Variants in DNAH9 observed in about 807,000 individuals in gnomAD.
DNAH9 encodes DNAH9 variant protein.
Under a neutral mutation model 471.6 loss-of-function variants are expected in DNAH9, and 345 were observed. The observed-to-expected ratio is 0.73, with a 90% CI of 0.67 to 0.80. The LOEUF is 0.80. Among genes scored for constraint, DNAH9 ranks in the 30% least tolerant of loss-of-function variants. The probability of loss-of-function intolerance (pLI) is 0.00; values close to 1 mark genes in which losing one functional copy is unlikely to be tolerated. For missense variants in DNAH9, 5,407 were observed against 5,609.2 expected (o/e 0.96, Z 1.15); for synonymous variants, 2,093 against 2,123.6 (o/e 0.99, Z 0.40).
chr17:11,968,802 A>G (rs773965255), intron 68 of DNAH9, among the ~76,000 whole-genome samples: 7 of 152,206 alleles, frequency 4.6e-5, no homozygotes, highest in Admixed American at 2.0e-4. Context: ...TCCACATTAC[A>G]TGAGTAAAGA....
At position 11,632,568 on chromosome 17, in the gene DNAH9, A is replaced by G. The variant is rs778518454; in HGVS notation, c.1519-19A>G. 8.6e-5 allele frequency: 107 copies of G among 1,241,650 alleles called. No homozygotes were observed. The highest frequency in any genetic ancestry group is 1.2e-4 in the Non-Finnish European group (99 of 840,698). 76.9% of individuals were successfully genotyped at this position (1,241,650 alleles called of 1,614,324 possible). ...ACAGAAAATTACGTTTTCCTTATAT[A>G]TATATGGTGTCTCTTCAGGACTTTG... On this transcript the variant is annotated intron_variant, in intron 7 of 68. Transcript: ENST00000262442.
At chr17:11,829,269 CCTACCG>C (rs1400800355) in intron 48 of DNAH9, among the ~76,000 whole-genome samples, 1 of 152,142 alleles carries the variant, frequency 6.6e-6, no homozygotes, top group African/African-American at 2.4e-5. Flanking sequence ...GTATTGGTAT[CCTACCG>C]CTTGATTATG....
intron 17 of DNAH9, among the ~76,000 whole-genome samples, chr17:11,675,260 T>C (rs905583420): frequency 1.3e-5 from 2 of 152,188 alleles, no homozygotes; most frequent in Admixed American, 1.3e-4. Flanking sequence ...TCTGTAGAAA[T>C]TGAATTGATT....
chr17:11,621,475 C>T (rs1326344877), intron 6 of DNAH9, among the ~76,000 whole-genome samples: 1 of 150,680 alleles, frequency 6.6e-6, no homozygotes, highest in Non-Finnish European at 1.5e-5. Flanking sequence ...ATATTCCCAG[C>T]TGTCATGAGC....
At chr17:11,644,114 C>T (rs1157447149) in intron 10 of DNAH9, among the ~76,000 whole-genome samples, 1 of 152,116 alleles carries the variant, frequency 6.6e-6, no homozygotes, top group Admixed American at 6.5e-5. Flanking sequence ...AGCATCACCA[C>T]AGCCATGGGA....
intron 9 of DNAH9, 60 bp from the exon 10 acceptor site, chr17:11,640,210 C>T (rs953937422): frequency 1.5e-5 from 15 of 1,009,752 alleles, no homozygotes; most frequent in African/African-American, 9.8e-5. Flanking sequence ...AGGTGTTTGC[C>T]GAGCGGAGAG....
At chr17:11,603,736 CATT>C (rs1416571692) in intron 1 of DNAH9, among the ~76,000 whole-genome samples, 1 of 152,178 alleles carries the variant, frequency 6.6e-6, no homozygotes, top group South Asian at 2.1e-4. Flanking sequence ...CTTGGTGTCT[CATT>C]ATTTTCCTGT....
Position 11,756,600 on chromosome 17 carries a change from T to A in DNAH9, c.6771T>A (p.Pro2257=), listed in dbSNP as rs1214604136. The A allele has an allele frequency of 6.2e-7, 1 of 1,613,800 alleles. No individual in the cohort carries two copies. The highest frequency in any genetic ancestry group is 1.1e-5 in the South Asian group (1 of 91,070). ...CATTGGCCAGCAATGAGAGGATTCC[T>A]CTGAACCCCACCATGAAGCTCCTCT... ...VLTLASNERI[P]LNPTMKLLFE... Residue 2257 remains proline (P), a synonymous_variant, in exon 34 of 69, where the codon CCT becomes CCA. Coordinates refer to ENST00000262442, the MANE Select transcript of DNAH9 (RefSeq NM_001372.4).
At chr17:11,778,532 A>G (rs1375010256) in intron 38 of DNAH9, among the ~76,000 whole-genome samples, 1 of 151,920 alleles carries the variant, frequency 6.6e-6, no homozygotes, top group Non-Finnish European at 1.5e-5. Flanking sequence ...GCGTGATCCA[A>G]TTTACATTTT....
chr17:11,942,441 A>G lies in DNAH9; in HGVS notation c.12799A>G (p.Arg4267Gly), dbSNP rs1198630593. The change falls in exon 67 of 69, where the codon AGA becomes GGA. Residue 4267 changes from arginine (R) to glycine (G), a missense_variant. Transcript: ENST00000262442. ...QECGRMNILT[R>G]EIQRSLRELE... ...GTGTGGCCGGATGAATATCCTCACC[A>G]GAGAGATTCAGCGCTCACTGAGGGA... 5 of 1,614,062 alleles carry G rather than the reference A, an allele frequency of 3.1e-6. No homozygotes were observed. In the African/African-American group the frequency reaches 6.7e-5, roughly 22 times the overall value.
rs201054984 is a variant in DNAH9 at position 11,603,565 on chromosome 17, G to A, written c.418-4564G>A. ...TGTGCTCTGAATCCCACACATTCCT[G>A]AGGAGATCACTCTAGCAATTTCCTC... On this transcript the variant is annotated intron_variant, in intron 1 of 68. Transcript: ENST00000262442. 5.3e-5 allele frequency among the ~76,000 whole-genome samples: 8 copies of A among 152,160 alleles called. No homozygotes were observed. In the East Asian group the frequency reaches 1.5e-3, roughly 29 times the overall value.
chr17:11,913,651 A>G (rs1973855886), intron 61 of DNAH9, among the ~76,000 whole-genome samples: 1 of 151,958 alleles, frequency 6.6e-6, no homozygotes, highest in Non-Finnish European at 1.5e-5. Flanking sequence ...GCGTGGTGGC[A>G]GGCACCTGTA....
intron 4 of DNAH9, among the ~76,000 whole-genome samples, chr17:11,616,690 A>T (rs78844482): frequency 0.023 from 3,557 of 152,194 alleles, 48 homozygotes; most frequent in Non-Finnish European, 0.033. Context: ...TGACTTTTTT[A>T]AAAAAATTAT....
intron 66 of DNAH9, among the ~76,000 whole-genome samples, chr17:11,938,267 G>A (rs1448706427): frequency 2.0e-5 from 3 of 152,002 alleles, no homozygotes; most frequent in African/African-American, 7.3e-5. Context: ...AGACCAGCCT[G>A]GCCAACATGG....
At chr17:11,941,819 TG>T (rs1974927778) in intron 66 of DNAH9, among the ~76,000 whole-genome samples, 1 of 151,746 alleles carries the variant, frequency 6.6e-6, no homozygotes, top group African/African-American at 2.4e-5. Context: ...AACTGTATAT[TG>T]ATATACTGTA....
chr17:11,936,873 T>C lies in DNAH9; in HGVS notation c.12490-479T>C, dbSNP rs370950052. Among the ~76,000 whole-genome samples the C allele has an allele frequency of 3.7e-4, 57 of 152,308 alleles. No individual in the cohort carries two copies. The South Asian group carries it at 0.011, about 30-fold the overall frequency. On this transcript the variant is annotated intron_variant, in intron 65 of 68. Transcript: ENST00000262442. ...TCGTCCTAAGCCCAATTCACTTGTT[T>C]ATTTTGCATGTGCCATCCCATGTAC...
intron 65 of DNAH9, among the ~76,000 whole-genome samples, chr17:11,934,925 C>T (rs1469233532): frequency 2.0e-5 from 3 of 152,132 alleles, no homozygotes; most frequent in South Asian, 2.1e-4. Flanking sequence ...AGGCACATAC[C>T]GCATACGTAT....
rs544620994 is a variant in DNAH9, at chr17:11,598,539, A to C, written c.41A>C (p.Asn14Thr). ...AEERAALAAE[N>T]ADGEPGADRR... Reference sequence around the variant, plus strand: ...GAGCGGGCCGCGCTCGCGGCGGAGAACGCGGATGGGGAACCCGGCGCCGAC... The same window carrying C: ...GAGCGGGCCGCGCTCGCGGCGGAGACCGCGGATGGGGAACCCGGCGCCGAC... Residue 14 changes from asparagine to threonine, a missense_variant, in exon 1 of 69, where the codon AAC (asparagine) becomes ACC (threonine). Transcript: ENST00000262442. 7.1e-7 allele frequency: 1 copy of C among 1,405,140 alleles called. No homozygotes were observed. The highest frequency in any genetic ancestry group is 9.2e-7 in the Non-Finnish European group (1 of 1,086,912). 87.0% of individuals were successfully genotyped at this position (1,405,140 alleles called of 1,614,324 possible).
intron 61 of DNAH9, among the ~76,000 whole-genome samples, chr17:11,913,795 GAAAAGA>G (rs981424745): frequency 2.7e-4 from 41 of 149,978 alleles, no homozygotes; most frequent in African/African-American, 4.9e-4. Context: ...AAAAAAAAAA[GAAAAGA>G]AAAAGAAAAA....
Sources: allele counts gnomAD v4.1 joint callset (sites outside exome capture counted in the v4.1 genomes callset), GRCh38; gene constraint gnomAD v4.1.1; transcripts MANE v1.5; gene names NCBI Gene and HGNC (gene_info 2026-07-23, HGNC 2026-07-21).